Variants in ELAVL1 observed in about 807,000 individuals in gnomAD.
ELAVL1 encodes the protein ELAV-like protein 1.
ELAVL1 carries 1 observed loss-of-function variant against 28.4 expected under a neutral mutation model. The ratio of observed to expected loss-of-function variants is 0.04; its 90% CI spans 0.01 to 0.17. The LOEUF (loss-of-function observed/expected upper bound fraction) is 0.17. Among genes scored for constraint, ELAVL1 ranks in the 10% least tolerant of loss-of-function variants. The probability of loss-of-function intolerance (pLI) is 1.00; values close to 1 mark genes in which losing one functional copy is unlikely to be tolerated. For synonymous variants in ELAVL1, 174 were observed against 183.5 expected, an observed-to-expected ratio of 0.95 and a Z score of 0.42; for missense variants, 157 against 447.2, an observed-to-expected ratio of 0.35 and a Z score of 5.85.
chr19:7,991,913 T>G (rs1363640532), intron 1 of ELAVL1, 82 bp from the exon 2 acceptor site: 5 of 1,108,250 alleles, frequency 4.5e-6, no homozygotes, highest in Non-Finnish European at 6.1e-6. Flanking sequence ...GCATTTGCAC[T>G]TAGAGATTTT....
intron 2 of ELAVL1, among the ~76,000 whole-genome samples, chr19:7,991,207 T>A (rs1985743040): frequency 6.6e-6 from 1 of 152,168 alleles, no homozygotes. Flanking sequence ...TCTGCTGACC[T>A]GGGCCTGACC....
At chr19:7,969,302 GGCA>G (rs1985038588) in intron 4 of ELAVL1, among the ~76,000 whole-genome samples, 1 of 152,228 alleles carries the variant, frequency 6.6e-6, no homozygotes, top group African/African-American at 2.4e-5. Context: ...ACCAAAGCCA[GGCA>G]GCCCGGGGCC....
chr19:8,002,583 G>A (rs1347395960), intron 1 of ELAVL1, among the ~76,000 whole-genome samples: 1 of 152,234 alleles, frequency 6.6e-6, no homozygotes, highest in Non-Finnish European at 1.5e-5. Flanking sequence ...GCCGGGCGCT[G>A]CGCTTCTCTC....
At position 7,982,818 on chromosome 19, in the gene ELAVL1, G is replaced by C. The variant is rs1002634846; in HGVS notation, c.173-1632C>G. Among the ~76,000 whole-genome samples the C allele has an allele frequency of 7.2e-5, 11 of 152,200 alleles. No individual in the cohort carries two copies. Among genetic ancestry groups the C allele is most frequent in the African/African-American group, 2.7e-4 (11 of 41,452 alleles). On this transcript the variant is annotated intron_variant, in intron 2 of 5. Coordinates refer to ENST00000407627, the MANE Select transcript of ELAVL1 (RefSeq NM_001419.3). The surrounding 1 kb of genome is among the most constrained non-coding windows in gnomAD (Gnocchi z 4.3). ...TGACAGTTTCTTGTTTCTCGTGACT[G>C]TGACGGTTTTGAGGACTGGTCGGAC...
chr19:7,999,664 C>T (rs1397863093), intron 1 of ELAVL1, among the ~76,000 whole-genome samples: 7 of 152,148 alleles, frequency 4.6e-5, no homozygotes, highest in Non-Finnish European at 1.0e-4. Flanking sequence ...CTCACTGCAG[C>T]CCCGGCCTCC....
intron 1 of ELAVL1, among the ~76,000 whole-genome samples, chr19:7,994,599 A>G (rs992759819): frequency 9.2e-5 from 14 of 152,332 alleles, no homozygotes; most frequent in African/African-American, 3.1e-4. Context: ...GGAAAATGCA[A>G]AAGAAAACCA....
intron 1 of ELAVL1, among the ~76,000 whole-genome samples, chr19:8,003,355 CAAAAAAAAAAAAAAAAAAAGAAAAAGAA>C (rs1157998451): frequency 1.6e-5 from 1 of 61,092 alleles, no homozygotes; most frequent in East Asian, 6.5e-4. Context: ...GAAACTGTCT[CAAAAAAAAAAAAAAAAAAAGAAAAAGAA>C]AAAAAAAAAA....
Position 7,991,849 on chromosome 19 carries a change from G to A in ELAVL1, c.-16-18C>T. The A allele has an allele frequency of 6.4e-7, 1 of 1,568,522 alleles. No homozygotes were observed. Among genetic ancestry groups the A allele is most frequent in the Non-Finnish European group, 8.7e-7 (1 of 1,152,542 alleles). On this transcript the variant is annotated intron_variant, in intron 1 of 5. Transcript: ENST00000407627. Reference sequence around the variant, plus strand: ...TCAAAAATCTGCCAAGAGAAAAAGAGCAAGTAAATTCAAAATGTTCATATT... The same window carrying A: ...TCAAAAATCTGCCAAGAGAAAAAGAACAAGTAAATTCAAAATGTTCATATT...
At chr19:7,995,786 A>T (rs1265709908) in intron 1 of ELAVL1, among the ~76,000 whole-genome samples, 1 of 145,952 alleles carries the variant, frequency 6.9e-6, no homozygotes, top group Admixed American at 6.7e-5. Flanking sequence ...ACTTCGTTAA[A>T]AAAAAAAAAA....
At chr19:7,964,357 C>T (rs1260849507) in intron 5 of ELAVL1, among the ~76,000 whole-genome samples, 3 of 152,254 alleles carry the variant, frequency 2.0e-5, no homozygotes, top group South Asian at 2.1e-4. Context: ...CCTTCCCAAG[C>T]ACCAGGCAAC....
At chr19:7,988,291 G>T (rs1985658249) in intron 2 of ELAVL1, among the ~76,000 whole-genome samples, 1 of 152,196 alleles carries the variant, frequency 6.6e-6, no homozygotes, top group African/African-American at 2.4e-5. Context: ...GGCTTCTGGA[G>T]CTCAGGACAG....
rs1383859425 is a variant in ELAVL1 at position 7,960,427 on chromosome 19, C to T, written c.*3056G>A. On this transcript the variant is annotated 3_prime_UTR_variant, in exon 6 of 6. Transcript: ENST00000407627. ...CAGGATATTCACGCAGGATGGTGGC[C>T]GGGGAGGGGACTCAGCACCCGGGAG... is the stretch of plus-strand genomic sequence containing the variant. 8 of 152,226 alleles carry T rather than the reference C, an allele frequency of 5.3e-5. No homozygotes were observed. The highest frequency in any genetic ancestry group is 9.6e-5 in the African/African-American group (4 of 41,536). 9.4% of individuals were successfully genotyped at this position (152,226 alleles called of 1,614,324 possible). A position where few individuals can be genotyped will look rare whatever the true frequency, so the allele number is the denominator to read the frequency against.
chr19:7,966,362 C>T (rs1343565018), intron 5 of ELAVL1, among the ~76,000 whole-genome samples: 1 of 152,164 alleles, frequency 6.6e-6, no homozygotes, highest in African/African-American at 2.4e-5. Context: ...GCCTCTATCC[C>T]ACTTCATCCT....
At chr19:7,991,054 G>A (rs1599677260) in intron 2 of ELAVL1, among the ~76,000 whole-genome samples, 1 of 152,218 alleles carries the variant, frequency 6.6e-6, no homozygotes, top group South Asian at 2.1e-4. Flanking sequence ...GTGAGGGAGT[G>A]GAACAGCAGG....
rs2145213931 is a variant in ELAVL1 at position 7,982,008 on chromosome 19, A to C, written c.173-822T>G. On this transcript the variant is annotated intron_variant, in intron 2 of 5. Coordinates refer to ENST00000407627, the MANE Select transcript of ELAVL1 (RefSeq NM_001419.3). This position sits in a 1 kb window ranked among gnomAD's most constrained non-coding sequence, Gnocchi z 4.3. The stretch of plus-strand genomic sequence containing the variant: ...GAGTCCAGGGAGAGGCCAGGGGCTG[A>C]GAATCCCCAGCCCTGCCAGACAGTG... Among the ~76,000 whole-genome samples the C allele has an allele frequency of 6.6e-6, 1 of 152,332 alleles. No homozygotes were observed. The highest frequency in any genetic ancestry group is 2.1e-4 in the South Asian group (1 of 4,828).
chr19:7,984,947 T>G (rs951779070), intron 2 of ELAVL1, among the ~76,000 whole-genome samples: 2 of 152,212 alleles, frequency 1.3e-5, no homozygotes, highest in African/African-American at 2.4e-5. Flanking sequence ...CCAGTTGGCC[T>G]CAGTGGTTTT....
At position 7,988,472 on chromosome 19, in the gene ELAVL1, A is replaced by T. The variant is rs148524539; in HGVS notation, c.172+3172T>A. On this transcript the variant is annotated intron_variant, in intron 2 of 5. Coordinates refer to ENST00000407627, the MANE Select transcript of ELAVL1 (RefSeq NM_001419.3). ...GGCTGGGGAAAGGCGCTAAAGACAG[A>T]TGGGGCATGGCCTCAGGGGCAGTTA... Among the ~76,000 whole-genome samples, 47 of 152,276 alleles carry T rather than the reference A, an allele frequency of 3.1e-4. 1 individual carries two copies. The highest frequency in any genetic ancestry group is 1.1e-3 in the African/African-American group (44 of 41,544).
rs1984808111 is a variant in ELAVL1, at chr19:7,961,505, T to G, written c.*1978A>C. On this transcript the variant is annotated 3_prime_UTR_variant, in exon 6 of 6. Transcript: ENST00000407627. ...AAGGCTTCTTTTTCCAGGAAAGCAT[T>G]CTGGTCCCAGGATGCAGACTGCTCT... The G allele has an allele frequency of 6.6e-6, 1 of 152,202 alleles. No individual in the cohort carries two copies. The highest frequency in any genetic ancestry group is 2.4e-5 in the African/African-American group (1 of 41,442). The allele number at this position is 152,202 out of a possible 1,614,324, so 9.4% of individuals were successfully genotyped here. A position where few individuals can be genotyped will look rare whatever the true frequency, so the allele number is the denominator to read the frequency against.
intron 2 of ELAVL1, 71 bp downstream of exon 2, chr19:7,991,573 C>A: frequency 6.7e-7 from 1 of 1,483,304 alleles, no homozygotes; most frequent in Non-Finnish European, 9.2e-7. Context: ...CACAGAGTCA[C>A]AGGCAAAGGA....
Sources: allele counts gnomAD v4.1 joint callset (sites outside exome capture counted in the v4.1 genomes callset), GRCh38; gene constraint gnomAD v4.1.1; non-coding constraint Gnocchi (gnomAD v3.1); transcripts MANE v1.5; gene names NCBI Gene and HGNC (gene_info 2026-07-23, HGNC 2026-07-21).